Variants in GTF2E2 observed in about 807,000 individuals in gnomAD.
GTF2E2 encodes general transcription factor IIE subunit 2, also known as transcription initiation factor IIE subunit beta.
Under a neutral mutation model 40.5 loss-of-function variants are expected in GTF2E2, and 21 were observed. That is an observed-to-expected ratio of 0.52 (90% CI 0.37 to 0.75). GTF2E2 has a LOEUF of 0.75. GTF2E2 is among the 30% of genes least tolerant of loss of function. The pLI is 0.00. For missense variants in GTF2E2, 298 were observed against 338.4 expected (o/e 0.88, Z 0.94); for synonymous variants, 117 against 121.6 (o/e 0.96, Z 0.25).
At chr8:30,622,327 G>A (rs574906871) in intron 3 of GTF2E2, among the ~76,000 whole-genome samples, 11 of 152,032 alleles carry the variant, frequency 7.2e-5, no homozygotes, top group East Asian at 5.8e-4. Context: ...AGTAGGTTCC[G>A]TGATGCCCCA....
intron 2 of GTF2E2, among the ~76,000 whole-genome samples, chr8:30,650,437 C>T (rs539312825): frequency 1.7e-4 from 26 of 152,028 alleles, no homozygotes; most frequent in Non-Finnish European, 2.9e-5. Context: ...TGCCTATAAT[C>T]CCAGCACTTT....
chr8:30,631,464 TCATTCAA>T (rs1276212467), intron 3 of GTF2E2, among the ~76,000 whole-genome samples: 5 of 152,228 alleles, frequency 3.3e-5, no homozygotes, highest in South Asian at 4.1e-4. Flanking sequence ...GACTGCCAAG[TCATTCAA>T]ATTGTGCTAT....
chr8:30,610,827 G>C (rs573600008), intron 5 of GTF2E2, among the ~76,000 whole-genome samples: 1 of 152,244 alleles, frequency 6.6e-6, no homozygotes, highest in South Asian at 2.1e-4. Context: ...ATAGACAAGA[G>C]TGCAGCAAAC....
chr8:30,628,846 G>A (rs1042893818), intron 3 of GTF2E2, among the ~76,000 whole-genome samples: 89 of 151,608 alleles, frequency 5.9e-4, no homozygotes, highest in Admixed American at 1.8e-3. Context: ...CAGGAGAATC[G>A]CTTGAACCCG....
intron 3 of GTF2E2, among the ~76,000 whole-genome samples, chr8:30,619,416 T>G (rs1042801929): frequency 2.0e-5 from 3 of 151,764 alleles, no homozygotes; most frequent in African/African-American, 7.3e-5. Flanking sequence ...GAGACGGAGT[T>G]TCGCTCTTGG....
At chr8:30,615,203 T>C (rs569547975) in intron 3 of GTF2E2, among the ~76,000 whole-genome samples, 2 of 152,040 alleles carry the variant, frequency 1.3e-5, no homozygotes, top group East Asian at 1.9e-4. Context: ...CGCTTGAACC[T>C]GGGAAGAGGA....
At chr8:30,650,527 CA>C (rs34700093) in intron 2 of GTF2E2, among the ~76,000 whole-genome samples, 84 of 129,440 alleles carry the variant, frequency 6.5e-4, no homozygotes, top group Middle Eastern at 4.0e-3. Flanking sequence ...CCATCTCTAC[CA>C]AAAAAAAAAA....
At chr8:30,581,885 C>T (rs1248060658) in intron 6 of GTF2E2, among the ~76,000 whole-genome samples, 1 of 152,142 alleles carries the variant, frequency 6.6e-6, no homozygotes, top group Non-Finnish European at 1.5e-5. Flanking sequence ...GATTTGACTA[C>T]TGAATGTATG....
chr8:30,591,450 C>G (rs1427033932), intron 6 of GTF2E2, among the ~76,000 whole-genome samples: 1 of 151,958 alleles, frequency 6.6e-6, no homozygotes, highest in Non-Finnish European at 1.5e-5. Flanking sequence ...CATCACTGCA[C>G]TCAAGCCCAG....
intron 2 of GTF2E2, among the ~76,000 whole-genome samples, chr8:30,651,080 T>C (rs540319283): frequency 3.3e-5 from 5 of 150,868 alleles, no homozygotes; most frequent in East Asian, 3.9e-4. Flanking sequence ...GGAAAGGGCA[T>C]GTACAAAAAC....
At chr8:30,650,774 G>C (rs1336160402) in intron 2 of GTF2E2, among the ~76,000 whole-genome samples, 3 of 152,022 alleles carry the variant, frequency 2.0e-5, no homozygotes, top group African/African-American at 7.3e-5. Flanking sequence ...CCAGCACTTT[G>C]GGAGGCCAAG....
At chr8:30,657,829 G>C (rs1260993067) in intron 1 of GTF2E2, 144 bp downstream of exon 1, 1 of 152,238 alleles carries the variant, frequency 6.6e-6, no homozygotes, top group Non-Finnish European at 1.5e-5. Flanking sequence ...TCGCGTGCTG[G>C]GTGTTTCGCT....
At chr8:30,624,986 GA>G (rs2151139056) in intron 3 of GTF2E2, among the ~76,000 whole-genome samples, 1 of 150,208 alleles carries the variant, frequency 6.7e-6, no homozygotes, top group East Asian at 2.0e-4. Flanking sequence ...TTTCCTAAAT[GA>G]ATACCCTTTA....
chr8:30,653,825 G>C (rs913929848), intron 1 of GTF2E2, among the ~76,000 whole-genome samples: 1 of 152,114 alleles, frequency 6.6e-6, no homozygotes, highest in Non-Finnish European at 1.5e-5. Context: ...AAAGAGGCCA[G>C]GCATAGTGGC....
At chr8:30,614,414 T>C (rs1035816289) in intron 4 of GTF2E2, among the ~76,000 whole-genome samples, 194 bp downstream of exon 4, 5 of 152,124 alleles carry the variant, frequency 3.3e-5, no homozygotes, top group African/African-American at 1.2e-4. Flanking sequence ...ACCCCGTCTC[T>C]ACTAAAAACA....
At chr8:30,585,963 TC>T (rs1828670182) in intron 6 of GTF2E2, among the ~76,000 whole-genome samples, 3 of 151,908 alleles carry the variant, frequency 2.0e-5, no homozygotes, top group South Asian at 4.2e-4. Context: ...TCACTTGTAG[TC>T]CCAGCTACTC....
intron 6 of GTF2E2, chr8:30,597,309 TTCGTG>T (rs1353118634): frequency 2.6e-5 from 4 of 152,228 alleles, no homozygotes; most frequent in Non-Finnish European, 5.9e-5. Flanking sequence ...CAGACAGGGC[TTCGTG>T]TCTTTCCAAA....
At chr8:30,606,309 T>C (rs150498902) in intron 6 of GTF2E2, among the ~76,000 whole-genome samples, 210 of 152,316 alleles carry the variant, frequency 1.4e-3, no homozygotes, top group African/African-American at 4.6e-3. Flanking sequence ...ACCACAAGCC[T>C]GGATATCTAT....
intron 2 of GTF2E2, among the ~76,000 whole-genome samples, chr8:30,652,210 A>C (rs1297140398): frequency 6.6e-6 from 1 of 152,214 alleles, no homozygotes; most frequent in African/African-American, 2.4e-5. Context: ...AAAAGAAAAA[A>C]ACTGGTAAGG....
Sources: allele counts gnomAD v4.1 joint callset (sites outside exome capture counted in the v4.1 genomes callset), GRCh38; gene constraint gnomAD v4.1.1; transcripts MANE v1.5; gene names NCBI Gene and HGNC (gene_info 2026-07-23, HGNC 2026-07-21).